The following TMEM218 variants were observed in gnomAD, a reference collection of about 807,000 sequenced individuals.
TMEM218 encodes the protein transmembrane protein 218.
Under a neutral mutation model 10.0 loss-of-function variants are expected in TMEM218, and 8 were observed. The ratio of observed to expected loss-of-function variants is 0.80; its 90% CI spans 0.47 to 1.44. The LOEUF (loss-of-function observed/expected upper bound fraction) is 1.44. Among genes scored for constraint, TMEM218 ranks in the 40% most tolerant of loss-of-function variants. The pLI, the probability that TMEM218 is intolerant of heterozygous loss-of-function variation, is 0.00. For missense variants in TMEM218, 110 were observed against 140.1 expected (o/e 0.79, Z 1.08); for synonymous variants, 66 against 63.5 (o/e 1.04, Z -0.18).
intron 1 of TMEM218, among the ~76,000 whole-genome samples, chr11:125,109,371 C>A (rs1416347071): frequency 6.6e-6 from 1 of 151,986 alleles, no homozygotes; most frequent in Admixed American, 6.6e-5. Context: ...AGACTATTTG[C>A]CTCTGCAGAG....
chr11:125,099,617 C>T lies in TMEM218; in HGVS notation c.213+1584G>A, dbSNP rs182403372. ...CAGAAATGTGGCAGCCCACATCACTCTCCCCCTTAAAAGACAAGGAAAGCA... is the reference window on the plus strand; with the variant it reads ...CAGAAATGTGGCAGCCCACATCACTTTCCCCCTTAAAAGACAAGGAAAGCA... On this transcript the variant is annotated intron_variant, in intron 4 of 4. Coordinates refer to ENST00000682305, the MANE Select transcript of TMEM218 (RefSeq NM_001258244.2). Among the ~76,000 whole-genome samples the T allele has an allele frequency of 2.6e-5, 4 of 152,294 alleles. No homozygotes were observed. In the East Asian group the frequency reaches 5.8e-4, roughly 22 times the overall value.
chr11:125,098,172 C>T (rs1949974423), intron 4 of TMEM218, among the ~76,000 whole-genome samples: 1 of 152,174 alleles, frequency 6.6e-6, no homozygotes, highest in Admixed American at 6.5e-5. Context: ...TAAGACCCAA[C>T]CCCCAAAATC....
At chr11:125,106,722 T>C (rs1011261492) in intron 1 of TMEM218, among the ~76,000 whole-genome samples, 1 of 152,220 alleles carries the variant, frequency 6.6e-6, no homozygotes. Flanking sequence ...GGAACCCTCA[T>C]ATACGGCTGG....
intron 1 of TMEM218, chr11:125,104,403 G>T (rs187809294): frequency 3.3e-5 from 5 of 152,350 alleles, no homozygotes; most frequent in Non-Finnish European, 7.3e-5. Context: ...GCTTTCCTCA[G>T]CCTTCTGATT....
rs371655858 is a variant in TMEM218, at chr11:125,097,567, A to G, written c.*39T>C. The G allele has an allele frequency of 6.2e-7, 1 of 1,607,604 alleles. No individual in the cohort carries two copies. Among genetic ancestry groups the G allele is most frequent in the African/African-American group, 1.3e-5 (1 of 74,610 alleles). ...CTTCCTGCTCATCAATGTCATCACA[A>G]TGAAGGAGAGAACAGGTTTTCGTTT... On this transcript the variant is annotated 3_prime_UTR_variant, in exon 5 of 5. Coordinates refer to ENST00000682305, the MANE Select transcript of TMEM218 (RefSeq NM_001258244.2).
intron 4 of TMEM218, among the ~76,000 whole-genome samples, 174 bp from the exon 5 acceptor site, chr11:125,097,914 G>A (rs1384966401): frequency 6.6e-6 from 1 of 152,118 alleles, no homozygotes; most frequent in Admixed American, 6.6e-5. Context: ...TCAACTCCCT[G>A]AGCAGGAGAC....
intron 4 of TMEM218, among the ~76,000 whole-genome samples, chr11:125,098,902 C>T (rs538162699): frequency 6.6e-6 from 1 of 152,206 alleles, no homozygotes; most frequent in African/African-American, 2.4e-5. Flanking sequence ...GGCTGTCAGC[C>T]AAGGAATACG....
chr11:125,099,821 G>GTA (rs1263427754), intron 4 of TMEM218, among the ~76,000 whole-genome samples: 1 of 151,978 alleles, frequency 6.6e-6, no homozygotes, highest in East Asian at 1.9e-4. Flanking sequence ...CTACTCGGGA[G>GTA]GCTGAGGCAG....
At chr11:125,111,088 A>G (rs183494047) in intron 1 of TMEM218, among the ~76,000 whole-genome samples, 3 of 152,126 alleles carry the variant, frequency 2.0e-5, no homozygotes, top group Non-Finnish European at 4.4e-5. Context: ...CCTCTCCTGG[A>G]CGGTGTTGTG....
At position 125,094,871 on chromosome 11, in the gene TMEM218, C is replaced by T. The variant is rs1453074032; in HGVS notation, c.*2735G>A. Among the ~76,000 whole-genome samples, 2 of 152,214 alleles carry T rather than the reference C, an allele frequency of 1.3e-5. No individual in the cohort carries two copies. Among genetic ancestry groups the T allele is most frequent in the African/African-American group, 2.4e-5 (1 of 41,454 alleles). Reference sequence around the variant, plus strand: ...ACAGCCTAGTTCTTCCATGGGCTTACTCCACCAGGACTAGTGCTTTACACC... The same window carrying T: ...ACAGCCTAGTTCTTCCATGGGCTTATTCCACCAGGACTAGTGCTTTACACC... On this transcript the variant is annotated 3_prime_UTR_variant, in exon 5 of 5. Coordinates refer to ENST00000682305, the MANE Select transcript of TMEM218 (RefSeq NM_001258244.2).
Position 125,095,041 on chromosome 11 carries a change from T to C in TMEM218, c.*2565A>G, listed in dbSNP as rs1394825500. On this transcript the variant is annotated 3_prime_UTR_variant, in exon 5 of 5. Coordinates refer to ENST00000682305, the MANE Select transcript of TMEM218 (RefSeq NM_001258244.2). ...TGTACACAAAGAATGGTAGCTTTAC[T>C]TCCATTTTTATCAGTGAAAAATTTA... 1.3e-5 allele frequency among the ~76,000 whole-genome samples: 2 copies of C among 152,254 alleles called. No homozygotes were observed. The highest frequency in any genetic ancestry group is 1.5e-5 in the Non-Finnish European group (1 of 68,044).
intron 4 of TMEM218, among the ~76,000 whole-genome samples, chr11:125,100,958 C>T (rs918739541): frequency 1.3e-5 from 2 of 152,064 alleles, no homozygotes; most frequent in African/African-American, 4.8e-5. Context: ...GAAGATGAGA[C>T]CAAATCAGGC....
At chr11:125,101,780 T>C in intron 3 of TMEM218, 1 of 479,972 alleles carries the variant, frequency 2.1e-6, no homozygotes, top group Non-Finnish European at 3.6e-6. Context: ...CAAATGTTGC[T>C]TTCGTTTTCC....
chr11:125,103,031 A>G, intron 1 of TMEM218: 1 of 240,264 alleles, frequency 4.2e-6, no homozygotes, highest in South Asian at 5.6e-5. Context: ...CCAGCAATCC[A>G]AAATAAAGGT....
chr11:125,101,952 A>T, intron 3 of TMEM218, 180 bp downstream of exon 3: 2 of 716,006 alleles, frequency 2.8e-6, no homozygotes, highest in South Asian at 2.6e-5. Flanking sequence ...TTCTCCTCCC[A>T]TCTCTGCTCC....
At chr11:125,101,888 A>T in intron 3 of TMEM218, 1 of 524,920 alleles carries the variant, frequency 1.9e-6, no homozygotes, top group Non-Finnish European at 3.3e-6. Context: ...GAAACTCAAT[A>T]AGCAGTGAAA....
At chr11:125,098,990 A>C (rs977188386) in intron 4 of TMEM218, among the ~76,000 whole-genome samples, 10 of 152,200 alleles carry the variant, frequency 6.6e-5, no homozygotes, top group Admixed American at 4.6e-4. Context: ...TGCCCTGCCA[A>C]CCCCTTGGTT....
At chr11:125,104,034 T>C (rs2135831813) in intron 1 of TMEM218, 1 of 152,350 alleles carries the variant, frequency 6.6e-6, no homozygotes, top group East Asian at 1.9e-4. Context: ...TCAAGGTCTA[T>C]TGGAGAACAT....
intron 1 of TMEM218, among the ~76,000 whole-genome samples, chr11:125,109,933 G>T (rs545235539): frequency 1.2e-4 from 18 of 152,336 alleles, no homozygotes; most frequent in Non-Finnish European, 2.2e-4. Flanking sequence ...TTAAGAGTTC[G>T]TGAGACATTG....
Sources: gnomAD v4.1 joint callset for allele counts (sites outside exome capture counted in the v4.1 genomes callset) on GRCh38, gnomAD v4.1.1 for gene constraint, MANE v1.5 for transcripts, NCBI Gene and HGNC (gene_info 2026-07-23, HGNC 2026-07-21) for gene names.